RBPJ: variants seen among roughly 807,000 people sequenced by gnomAD.
The protein encoded by RBPJ is recombination signal binding protein for immunoglobulin kappa J region, also known as recombining binding protein suppressor of hairless.
Under a neutral mutation model 67.8 loss-of-function variants are expected in RBPJ, and 9 were observed. That is an observed-to-expected ratio of 0.13 (90% CI 0.08 to 0.23). The LOEUF is 0.23. Ranked by LOEUF, RBPJ falls within the 10% of genes least tolerant of loss-of-function variation. RBPJ has a pLI of 1.00. For synonymous variants in RBPJ, 198 were observed against 203.3 expected (o/e 0.97, Z 0.22); for missense variants, 305 against 595.6 (o/e 0.51, Z 5.08).
intron 1 of RBPJ, among the ~76,000 whole-genome samples, chr4:26,371,117 T>G (rs996914358): frequency 1.3e-5 from 2 of 152,064 alleles, no homozygotes; most frequent in Non-Finnish European, 2.9e-5. Context: ...AATGTCAACT[T>G]ACAATTTTTT....
At chr4:26,346,230 G>A (rs111749800) in intron 1 of RBPJ, among the ~76,000 whole-genome samples, 2,245 of 152,292 alleles carry the variant, frequency 0.015, 30 homozygotes, top group South Asian at 0.059. Flanking sequence ...GAAAGAGAAA[G>A]GAAAACAGCT....
At chr4:26,401,051 C>G (rs1257321399) in intron 2 of RBPJ, among the ~76,000 whole-genome samples, 1 of 152,234 alleles carries the variant, frequency 6.6e-6, no homozygotes, top group Non-Finnish European at 1.5e-5. Context: ...TTTTCCCTCC[C>G]TCTGCATTTT....
upstream of RBPJ, chr4:26,320,881 CT>C: frequency 6.3e-7 from 1 of 1,580,758 alleles, no homozygotes; most frequent in Non-Finnish European, 8.6e-7. Context: ...GCGTCTGGCT[CT>C]TCGCGGCGGC....
chr4:26,388,491 A>G (rs1362139905), intron 2 of RBPJ, among the ~76,000 whole-genome samples: 1 of 152,224 alleles, frequency 6.6e-6, no homozygotes, highest in East Asian at 1.9e-4. Flanking sequence ...TGTACAGTGA[A>G]GTATAGCTTT....
At chr4:26,349,840 C>T (rs949919361) in intron 1 of RBPJ, among the ~76,000 whole-genome samples, 13 of 152,122 alleles carry the variant, frequency 8.5e-5, no homozygotes, top group Non-Finnish European at 1.6e-4. Context: ...TGCCATTCTG[C>T]CTTTAATTTC....
chr4:26,171,801 C>T (rs561008300), intron 1 of RBPJ, among the ~76,000 whole-genome samples: 5 of 152,140 alleles, frequency 3.3e-5, no homozygotes, highest in African/African-American at 1.2e-4. Flanking sequence ...CTGAGGCCCA[C>T]AGAAGTGCAG....
intron 1 of RBPJ, among the ~76,000 whole-genome samples, chr4:26,346,383 C>A (rs1726145930): frequency 6.6e-6 from 1 of 152,174 alleles, no homozygotes; most frequent in Admixed American, 6.6e-5. Flanking sequence ...ATGACGTTTA[C>A]AGCGGGGAAG....
intron 1 of RBPJ, among the ~76,000 whole-genome samples, chr4:26,349,526 T>C (rs1322789663): frequency 6.6e-6 from 1 of 152,270 alleles, no homozygotes; most frequent in East Asian, 1.9e-4. Context: ...TAAGTGATTT[T>C]CTTAGCTGAA....
chr4:26,349,093 C>CGCGT (rs1553867513), intron 1 of RBPJ, among the ~76,000 whole-genome samples: 1 of 150,738 alleles, frequency 6.6e-6, no homozygotes. Context: ...TGTGTGCGCG[C>CGCGT]GCGCACGCAC....
chr4:26,398,797 A>G (rs1298018408), intron 2 of RBPJ, among the ~76,000 whole-genome samples: 1 of 152,014 alleles, frequency 6.6e-6, no homozygotes, highest in Non-Finnish European at 1.5e-5. Flanking sequence ...TATTTTTAGT[A>G]GAGATGGGGT....
intron 1 of RBPJ, among the ~76,000 whole-genome samples, chr4:26,181,369 G>T (rs930834394): frequency 6.6e-6 from 1 of 152,138 alleles, no homozygotes; most frequent in Non-Finnish European, 1.5e-5. Flanking sequence ...AAAGAAGACC[G>T]CATTCAGAAC....
At chr4:26,344,747 C>G (rs1725957585) in intron 1 of RBPJ, among the ~76,000 whole-genome samples, 1 of 152,134 alleles carries the variant, frequency 6.6e-6, no homozygotes, top group Non-Finnish European at 1.5e-5. Flanking sequence ...CTGCTCCCCA[C>G]CCCACCTCAA....
Position 26,430,385 on chromosome 4 carries a change from T to G in RBPJ, c.1045-34T>G. On this transcript the variant is annotated intron_variant, in intron 9 of 10. Coordinates refer to ENST00000355476, the MANE Select transcript of RBPJ (RefSeq NM_015874.6). The surrounding 1 kb of genome is among the most constrained non-coding windows in gnomAD (Gnocchi z 4.1). The stretch of plus-strand genomic sequence containing the variant: ...GTGTACTTTAATGAAAAATGAAAAG[T>G]TTTCTCAGTGTTGTGATTTTCTGTG... 1 of 1,532,690 alleles carries G rather than the reference T, an allele frequency of 6.5e-7. No individual in the cohort carries two copies. The highest frequency in any genetic ancestry group is 9.0e-7 in the Non-Finnish European group (1 of 1,108,498). The allele number at this position is 1,532,690 out of a possible 1,614,324, so 94.9% of individuals were successfully genotyped here.
At chr4:26,206,262 T>C (rs2109162031) in intron 1 of RBPJ, among the ~76,000 whole-genome samples, 1 of 152,348 alleles carries the variant, frequency 6.6e-6, no homozygotes, top group African/African-American at 2.4e-5. Context: ...TATTTTTGTT[T>C]AGTGTTTTTT....
At chr4:26,183,747 C>A (rs969812530) in intron 1 of RBPJ, among the ~76,000 whole-genome samples, 1 of 152,176 alleles carries the variant, frequency 6.6e-6, no homozygotes, top group African/African-American at 2.4e-5. Flanking sequence ...TGGTCGCTCA[C>A]GCCTGTAATC....
At chr4:26,133,946 T>C in the RBPJ span, among the ~76,000 whole-genome samples, 1 of 152,168 alleles carries the variant, frequency 6.6e-6, no homozygotes, top group East Asian at 1.9e-4. Flanking sequence ...AGGGTTTCTC[T>C]ACCCTAGCTC....
At chr4:26,413,961 C>T (rs1430789140) in intron 3 of RBPJ, among the ~76,000 whole-genome samples, 1 of 152,132 alleles carries the variant, frequency 6.6e-6, no homozygotes, top group African/African-American at 2.4e-5. Context: ...CCTGCATGCC[C>T]ATAGTTCAGC....
chr4:26,182,143 C>A (rs1176969500), intron 1 of RBPJ, among the ~76,000 whole-genome samples: 1 of 152,174 alleles, frequency 6.6e-6, no homozygotes, highest in Non-Finnish European at 1.5e-5. Flanking sequence ...AAGATCAAGA[C>A]CATCCTGGTT....
chr4:26,231,372 A>G (rs1719277427), intron 1 of RBPJ, among the ~76,000 whole-genome samples: 3 of 151,492 alleles, frequency 2.0e-5, no homozygotes, highest in Admixed American at 2.0e-4. Context: ...AAGGAGATGT[A>G]CCTAATACTT....
Sources: allele counts gnomAD v4.1 joint callset (sites outside exome capture counted in the v4.1 genomes callset), GRCh38; gene constraint gnomAD v4.1.1; non-coding constraint Gnocchi (gnomAD v3.1); transcripts MANE v1.5; gene names NCBI Gene and HGNC (gene_info 2026-07-23, HGNC 2026-07-21).